RBPJ: variants seen among roughly 807,000 people sequenced by gnomAD.
RBPJ encodes the protein recombination signal binding protein for immunoglobulin kappa J region.
Under a neutral mutation model 67.8 loss-of-function variants are expected in RBPJ, and 9 were observed. The observed-to-expected ratio is 0.13, with a 90% confidence interval of 0.08 to 0.23. RBPJ has a LOEUF of 0.23. Among genes scored for constraint, RBPJ ranks in the 10% least tolerant of loss-of-function variants. The pLI is 1.00. For missense variants in RBPJ, 305 were observed against 595.6 expected (o/e 0.51, Z 5.08); for synonymous variants, 198 against 203.3 (o/e 0.97, Z 0.22).
At chr4:26,180,700 G>T (rs373982439) in intron 1 of RBPJ, among the ~76,000 whole-genome samples, 231 of 152,270 alleles carry the variant, frequency 1.5e-3, no homozygotes, top group Middle Eastern at 0.01. Context: ...ATGAATCTGG[G>T]GGGGACACAA....
the RBPJ span, among the ~76,000 whole-genome samples, chr4:26,132,815 C>G: frequency 9.2e-5 from 14 of 152,206 alleles, no homozygotes; most frequent in Non-Finnish European, 2.1e-4. Context: ...TCAACCCCCC[C>G]ACCCCACATC....
At chr4:26,109,479 TATATATATATATAC>T in the RBPJ span, among the ~76,000 whole-genome samples, 21 of 51,424 alleles carry the variant, frequency 4.1e-4, no homozygotes, top group African/African-American at 5.4e-4. Context: ...TATATATATA[TATATATATATATAC>T]ACACACACAT....
intron 1 of RBPJ, among the ~76,000 whole-genome samples, chr4:26,296,378 A>G (rs564333381): frequency 1.3e-5 from 2 of 152,294 alleles, no homozygotes; most frequent in East Asian, 3.9e-4. Flanking sequence ...CTGAGCATAA[A>G]GCTACATTCA....
rs144244689 is a variant in RBPJ at position 26,421,503 on chromosome 4, C to T, written c.496+778C>T. Among the ~76,000 whole-genome samples the T allele has an allele frequency of 7.3e-3, 1,114 of 152,152 alleles. 22 individuals carry two copies. The highest frequency in any genetic ancestry group is 0.028 in the East Asian group (146 of 5,150). On this transcript the variant is annotated intron_variant, in intron 5 of 10. Coordinates refer to ENST00000355476, the MANE Select transcript of RBPJ (RefSeq NM_015874.6). ...TTTTTTAGTAGAGATGAGGTTTCGC[C>T]ATTTGGCCAGGCTGGTCTTGAACTC...
At chr4:26,132,422 CCCTTCCAGAGCTGCTCATGGCACCTGCT>C in the RBPJ span, among the ~76,000 whole-genome samples, 2 of 151,550 alleles carry the variant, frequency 1.3e-5, no homozygotes, top group African/African-American at 4.8e-5. Context: ...CACCTGAGCT[CCCTTCCAGAGCTGCTCATGGCACCTGCT>C]CCTCCCAGAG....
At chr4:26,277,213 A>G (rs1313523644) in intron 1 of RBPJ, among the ~76,000 whole-genome samples, 3 of 150,994 alleles carry the variant, frequency 2.0e-5, no homozygotes, top group Admixed American at 6.6e-5. Context: ...TCAAGGCTTC[A>G]GTGAGCTGTG....
intron 1 of RBPJ, among the ~76,000 whole-genome samples, chr4:26,384,786 C>T (rs1302216932): frequency 2.2e-5 from 3 of 137,114 alleles, no homozygotes; most frequent in South Asian, 5.2e-4. Context: ...CCTCTCTCCT[C>T]TCCCCTCTCC....
chr4:26,147,704 C>T, the RBPJ span, among the ~76,000 whole-genome samples: 6 of 152,182 alleles, frequency 3.9e-5, no homozygotes, highest in South Asian at 8.3e-4. Flanking sequence ...CTGCAAGCTC[C>T]GCCTCCTGGG....
chr4:26,379,639 A>G (rs916910459), intron 1 of RBPJ, among the ~76,000 whole-genome samples: 2 of 152,148 alleles, frequency 1.3e-5, no homozygotes, highest in African/African-American at 4.8e-5. Context: ...ATCACCTGCT[A>G]CCAGGTTCCT....
At chr4:26,335,332 C>T (rs771937025) in intron 1 of RBPJ, among the ~76,000 whole-genome samples, 1 of 151,924 alleles carries the variant, frequency 6.6e-6, no homozygotes, top group Admixed American at 6.6e-5. Context: ...CAGGCGTGTA[C>T]CACCACGCCC....
At chr4:26,191,010 G>C (rs983379521) in intron 1 of RBPJ, among the ~76,000 whole-genome samples, 2 of 150,754 alleles carry the variant, frequency 1.3e-5, no homozygotes, top group Non-Finnish European at 3.0e-5. Context: ...ACAATAGCCA[G>C]GCATAGCAGC....
intron 1 of RBPJ, among the ~76,000 whole-genome samples, chr4:26,223,882 C>G (rs1321268057): frequency 6.6e-6 from 1 of 152,258 alleles, no homozygotes; most frequent in East Asian, 1.9e-4. Flanking sequence ...AGATGATTGC[C>G]CAAGTTGGAA....
chr4:26,259,863 T>G (rs537112719), intron 1 of RBPJ, among the ~76,000 whole-genome samples: 1 of 152,330 alleles, frequency 6.6e-6, no homozygotes, highest in South Asian at 2.1e-4. Flanking sequence ...AATGAGTTAT[T>G]CATTTGTAAA....
At chr4:26,306,676 C>A (rs1722250216) in intron 1 of RBPJ, among the ~76,000 whole-genome samples, 1 of 151,642 alleles carries the variant, frequency 6.6e-6, no homozygotes, top group South Asian at 2.1e-4. Flanking sequence ...GTCTCAATCT[C>A]CTAACCTCCT....
rs771623602 is a variant in RBPJ, at chr4:26,358,610, CAAAAAA to C, written c.21-27725_21-27720del. 1.1e-3 allele frequency among the ~76,000 whole-genome samples: 47 copies of C among 43,126 alleles called. 2 individuals carry two copies. The highest frequency in any genetic ancestry group is 3.4e-3 in the African/African-American group (42 of 12,444). 28.3% of individuals were successfully genotyped at this position (43,126 alleles called of 152,430 possible). ...GCAGCATAGCAAGACCCCATCTCTG[CAAAAAA>C]AAAAAAAAAAAAAAAAAGTTAGTGG... On this transcript the variant is annotated intron_variant, in intron 1 of 10. Coordinates refer to ENST00000355476, the MANE Select transcript of RBPJ (RefSeq NM_015874.6).
chr4:26,268,160 A>G (rs1158272675), intron 1 of RBPJ, among the ~76,000 whole-genome samples: 1 of 152,178 alleles, frequency 6.6e-6, no homozygotes, highest in Non-Finnish European at 1.5e-5. Flanking sequence ...AGGACACCCC[A>G]TGTTACGATT....
intron 1 of RBPJ, among the ~76,000 whole-genome samples, chr4:26,260,045 C>T (rs1034821826): frequency 6.6e-6 from 1 of 152,164 alleles, no homozygotes; most frequent in African/African-American, 2.4e-5. Context: ...CTGCCTCAAA[C>T]TAGATCTTGT....
At chr4:26,201,362 T>C (rs1717975422) in intron 1 of RBPJ, among the ~76,000 whole-genome samples, 2 of 152,198 alleles carry the variant, frequency 1.3e-5, no homozygotes, top group Non-Finnish European at 2.9e-5. Flanking sequence ...ATTTCATAAC[T>C]CCCTCTGTGG....
At chr4:26,330,546 C>T (rs1433236067) in intron 1 of RBPJ, among the ~76,000 whole-genome samples, 1 of 152,168 alleles carries the variant, frequency 6.6e-6, no homozygotes, top group Non-Finnish European at 1.5e-5. Flanking sequence ...ATAGAAAACT[C>T]ATTTAGACTG....
Sources: allele counts gnomAD v4.1 joint callset (sites outside exome capture counted in the v4.1 genomes callset), GRCh38; gene constraint gnomAD v4.1.1; transcripts MANE v1.5; gene names NCBI Gene and HGNC (gene_info 2026-07-23, HGNC 2026-07-21).